Variants in IBTK observed in about 807,000 individuals in gnomAD.
IBTK encodes the protein inhibitor of Bruton tyrosine kinase, also known as BTK-binding protein.
Under a neutral mutation model 154.9 loss-of-function variants are expected in IBTK, and 83 were observed. The observed-to-expected ratio is 0.54, with a 90% CI of 0.45 to 0.64. The LOEUF (loss-of-function observed/expected upper bound fraction) is 0.64. Ranked by LOEUF, IBTK falls within the 30% of genes least tolerant of loss-of-function variation. IBTK has a pLI of 0.00. For synonymous variants in IBTK, 515 were observed against 536.1 expected, an observed-to-expected ratio of 0.96 and a Z score of 0.54; for missense variants, 1,332 against 1,584.6, an observed-to-expected ratio of 0.84 and a Z score of 2.71.
chr6:82,234,093 C>A, intron 3 of IBTK, 66 bp downstream of exon 3: 1 of 603,640 alleles, frequency 1.7e-6, no homozygotes. Context: ...CCTGCCTCAG[C>A]CTACCAAATT....
chr6:82,234,533 T>C (rs1770646476), intron 2 of IBTK, among the ~76,000 whole-genome samples: 1 of 151,738 alleles, frequency 6.6e-6, no homozygotes, highest in Non-Finnish European at 1.5e-5. Flanking sequence ...AGACAGGGTT[T>C]CTCCATGTTG....
intron 18 of IBTK, among the ~76,000 whole-genome samples, 171 bp from the exon 19 acceptor site, chr6:82,201,653 T>C (rs1769215484): frequency 6.6e-6 from 1 of 152,208 alleles, no homozygotes; most frequent in African/African-American, 2.4e-5. Flanking sequence ...TGGTTGTATA[T>C]TACATATTTC....
intron 2 of IBTK, among the ~76,000 whole-genome samples, chr6:82,238,726 C>T (rs962114557): frequency 3.3e-5 from 5 of 151,930 alleles, no homozygotes; most frequent in Admixed American, 6.6e-5. Context: ...CAGGCGTGAG[C>T]CACCGCGCCT....
chr6:82,219,989 C>G (rs2127818597), intron 9 of IBTK, among the ~76,000 whole-genome samples: 1 of 152,154 alleles, frequency 6.6e-6, no homozygotes, highest in African/African-American at 2.4e-5. Context: ...GAGGGCAGAT[C>G]ACTTGAGGCC....
intron 25 of IBTK, among the ~76,000 whole-genome samples, chr6:82,187,465 C>A (rs1035331193): frequency 1.3e-5 from 2 of 151,988 alleles, no homozygotes; most frequent in African/African-American, 4.8e-5. Context: ...CCTCTGAAAT[C>A]CTAAAGTGTA....
chr6:82,232,392 T>C lies in IBTK; in HGVS notation c.419-550A>G, dbSNP rs117989505. ...ACAGGAACACTAACTTTCAATACTT[T>C]GTTTTTCATAGACACAAAATCACAC... On this transcript the variant is annotated intron_variant, in intron 3 of 28. Transcript: ENST00000306270. Among the ~76,000 whole-genome samples the C allele has an allele frequency of 9.4e-4, 143 of 152,360 alleles. 2 individuals are homozygous for C. The East Asian group carries it at 0.019, about 21-fold the overall frequency.
chr6:82,195,159 T>G (rs996502971), intron 22 of IBTK, among the ~76,000 whole-genome samples: 6 of 152,216 alleles, frequency 3.9e-5, no homozygotes, highest in Admixed American at 2.6e-4. Flanking sequence ...CCAGGATAGA[T>G]TCTTCTGTTA....
chr6:82,245,295 A>G (rs902480683), intron 1 of IBTK, among the ~76,000 whole-genome samples: 5 of 152,220 alleles, frequency 3.3e-5, no homozygotes, highest in African/African-American at 7.2e-5. Context: ...ACAGTGGCTC[A>G]TGCCTGTAGT....
At position 82,171,233 on chromosome 6, in the gene IBTK, C is replaced by T; in HGVS notation, c.*192G>A. 1 of 380,698 alleles carries T rather than the reference C, an allele frequency of 2.6e-6. No homozygotes were observed. The highest frequency in any genetic ancestry group is 4.6e-6 in the Non-Finnish European group (1 of 216,290). 23.6% of individuals were successfully genotyped at this position (380,698 alleles called of 1,614,324 possible). A position where few individuals can be genotyped will look rare whatever the true frequency, so the allele number is the denominator to read the frequency against. On this transcript the variant is annotated 3_prime_UTR_variant, in exon 29 of 29. Transcript: ENST00000306270. ...GTCTCACACATTTTATATAAAGTTA[C>T]TAAAATCACAATTCTGAGAAATTTA...
At chr6:82,214,914 C>A (rs1475485918) in intron 11 of IBTK, 85 bp from the exon 12 acceptor site, 14 of 1,400,626 alleles carry the variant, frequency 1.0e-5, no homozygotes, top group African/African-American at 1.4e-5. Context: ...CTTTAAAATG[C>A]AATTTTTTTA....
chr6:82,232,115 C>T (rs562853102), intron 3 of IBTK, among the ~76,000 whole-genome samples: 1 of 150,500 alleles, frequency 6.6e-6, no homozygotes, highest in Non-Finnish European at 1.5e-5. Flanking sequence ...GACTGGTCTT[C>T]ACCTCACGGG....
chr6:82,240,722 A>T lies in IBTK; in HGVS notation c.-236T>A. 1 of 479,458 alleles carries T rather than the reference A, an allele frequency of 2.1e-6. No individual in the cohort carries two copies. The highest frequency in any genetic ancestry group is 4.7e-5 in the South Asian group (1 of 21,368). 29.7% of individuals were successfully genotyped at this position (479,458 alleles called of 1,614,324 possible). Reference sequence around the variant, plus strand: ...AGTTCATATCAAATACAAGTTCTTCATTTAAAAAAATTCCACAGTTTATAA... The same window carrying T: ...AGTTCATATCAAATACAAGTTCTTCTTTTAAAAAAATTCCACAGTTTATAA... On this transcript the variant is annotated 5_prime_UTR_variant, in exon 2 of 29. The change abolishes an upstream ATG in the 5' untranslated region. Coordinates refer to ENST00000306270, the MANE Select transcript of IBTK (RefSeq NM_015525.4).
chr6:82,204,728 T>G (rs1769332207), intron 17 of IBTK, 129 bp downstream of exon 17: 3 of 455,030 alleles, frequency 6.6e-6, no homozygotes, highest in African/African-American at 6.1e-5. Flanking sequence ...AATTTACATA[T>G]TTTGGCAGGT....
chr6:82,171,590 CTT>C, intron 28 of IBTK, 34 bp from the exon 29 acceptor site: 1 of 1,542,280 alleles, frequency 6.5e-7, no homozygotes. Context: ...ACTCTTTACT[CTT>C]TTAATTATAA....
Position 82,214,540 on chromosome 6 carries a change from G to T in IBTK, c.1891C>A (p.Leu631Ile). Reference sequence around the variant, plus strand: ...GTATCTGTGTATATAAATTGTAAAAGGTATTCAAACATGTCAGGATGAACC... The same window carrying T: ...GTATCTGTGTATATAAATTGTAAAATGTATTCAAACATGTCAGGATGAACC... ...EKVHPDMFEY[L>I]LQFIYTDTCD... is the part of the protein sequence containing the mutation. The change falls in exon 12 of 29, where the codon CTT (leucine) becomes ATT (isoleucine). Residue 631 changes from leucine to isoleucine, a missense_variant. Physicochemically the swap from Leu to Ile is conservative, Grantham distance 5. Coordinates refer to ENST00000306270, the MANE Select transcript of IBTK (RefSeq NM_015525.4). 1 of 1,613,958 alleles carries T rather than the reference G, an allele frequency of 6.2e-7. No individual in the cohort carries two copies. The highest frequency in any genetic ancestry group is 8.5e-7 in the Non-Finnish European group (1 of 1,179,942).
At chr6:82,205,918 T>A (rs1249859130) in intron 16 of IBTK, 1 of 151,902 alleles carries the variant, frequency 6.6e-6, no homozygotes, top group Non-Finnish European at 1.5e-5. Flanking sequence ...GAAAAAAATC[T>A]GACACAGAAA....
At chr6:82,243,733 C>A (rs552172282) in intron 1 of IBTK, among the ~76,000 whole-genome samples, 1 of 152,302 alleles carries the variant, frequency 6.6e-6, no homozygotes, top group African/African-American at 2.4e-5. Context: ...TAATTTCATT[C>A]TTTTAAAGCT....
At chr6:82,223,381 T>C (rs1423557234) in intron 8 of IBTK, 59 bp downstream of exon 8, 2 of 1,361,508 alleles carry the variant, frequency 1.5e-6, no homozygotes, top group African/African-American at 1.5e-5. Context: ...CACTCAGATA[T>C]TTGCTGGAAG....
chr6:82,224,655 T>TA (rs1325193091), intron 6 of IBTK, among the ~76,000 whole-genome samples: 1 of 152,094 alleles, frequency 6.6e-6, no homozygotes, highest in Non-Finnish European at 1.5e-5. Flanking sequence ...CACATGAGAG[T>TA]AAAAAAGTAG....
Sources: allele counts gnomAD v4.1 joint callset (sites outside exome capture counted in the v4.1 genomes callset), GRCh38; gene constraint gnomAD v4.1.1; transcripts MANE v1.5; gene names NCBI Gene and HGNC (gene_info 2026-07-23, HGNC 2026-07-21).